PLCE1: variants seen among roughly 807,000 people sequenced by gnomAD.
PLCE1 encodes phospholipase C epsilon 1.
Under a neutral mutation model 242.8 loss-of-function variants are expected in PLCE1, and 119 were observed. That is an observed-to-expected ratio of 0.49 (90% confidence interval 0.42 to 0.57). The LOEUF is 0.57. PLCE1 is among the 20% of genes least tolerant of loss of function. The pLI, the probability that PLCE1 is intolerant of heterozygous loss-of-function variation, is 0.00. For missense variants in PLCE1, 2,441 were observed against 2,788.8 expected (o/e 0.88, Z 2.81); for synonymous variants, 945 against 1,017.4 (o/e 0.93, Z 1.35).
At chr10:94,099,988 CTG>C (rs1266070134) in intron 2 of PLCE1, 3 of 152,162 alleles carry the variant, frequency 2.0e-5, no homozygotes, top group South Asian at 2.1e-4. Context: ...ATTAAGAAGA[CTG>C]TGTGGGAAAT....
At chr10:94,141,598 AAGGCAAAG>A (rs1267123607) in intron 3 of PLCE1, among the ~76,000 whole-genome samples, 4 of 10,998 alleles carry the variant, frequency 3.6e-4, no homozygotes, top group African/African-American at 1.8e-3. Context: ...AGGCTAAGGG[AAGGCAAAG>A]GGAAGGAGAA....
At chr10:94,089,195 A>T in intron 2 of PLCE1, 1 of 1,614,054 alleles carries the variant, frequency 6.2e-7, no homozygotes, top group Middle Eastern at 1.6e-4. Context: ...ATTTGGCACC[A>T]GGCTTGGTTT....
chr10:94,066,448 A>G (rs2044198125), intron 2 of PLCE1, among the ~76,000 whole-genome samples: 1 of 152,122 alleles, frequency 6.6e-6, no homozygotes, highest in Non-Finnish European at 1.5e-5. Context: ...TCACAGTGTT[A>G]TGGGGCTTGG....
chr10:94,161,826 T>C (rs554031098), intron 3 of PLCE1, among the ~76,000 whole-genome samples: 2 of 152,044 alleles, frequency 1.3e-5, no homozygotes, highest in Non-Finnish European at 2.9e-5. Context: ...TTGAGATACG[T>C]CCCATCAATA....
At chr10:94,044,270 A>T (rs887323395) in intron 2 of PLCE1, among the ~76,000 whole-genome samples, 3 of 152,226 alleles carry the variant, frequency 2.0e-5, no homozygotes, top group African/African-American at 7.2e-5. Context: ...CTTTCCAAGG[A>T]ATCACCTTGA....
chr10:94,190,294 T>G (rs1343791367), intron 4 of PLCE1, among the ~76,000 whole-genome samples: 1 of 152,040 alleles, frequency 6.6e-6, no homozygotes, highest in East Asian at 1.9e-4. Flanking sequence ...TTAAATTAAT[T>G]AATTACGTTT....
At chr10:94,007,576 T>TTTA (rs1554837857) in intron 1 of PLCE1, among the ~76,000 whole-genome samples, 1 of 26,860 alleles carries the variant, frequency 3.7e-5, no homozygotes, top group Non-Finnish European at 6.0e-5. Context: ...TCTCTCTCTC[T>TTTA]TTTTTTTTTT....
Position 94,031,445 on chromosome 10 carries a change from C to G in PLCE1, c.399C>G (p.Asp133Glu). ...YEMYNSVAEEDLCLETGIPSP... is the reference protein window; with the variant it reads ...YEMYNSVAEEELCLETGIPSP... The stretch of plus-strand genomic sequence containing the variant: ...TGTACAACTCTGTTGCTGAGGAAGA[C>G]TTGTGTTTAGAAACTGGAATTCCTT... Residue 133 changes from aspartate (D) to glutamate (E), a missense_variant, in exon 2 of 33, where the codon GAC (aspartate) becomes GAG (glutamate). Physicochemically the swap from Asp to Glu is conservative, Grantham distance 45 (BLOSUM62 2). Coordinates refer to ENST00000371380, the MANE Select transcript of PLCE1 (RefSeq NM_016341.4). 1 of 1,613,626 alleles carries G rather than the reference C, an allele frequency of 6.2e-7. No homozygotes were observed. Among genetic ancestry groups the G allele is most frequent in the Non-Finnish European group, 8.5e-7 (1 of 1,179,766 alleles).
chr10:94,124,117 A>G (rs1247278120), intron 2 of PLCE1, among the ~76,000 whole-genome samples: 2 of 152,184 alleles, frequency 1.3e-5, no homozygotes, highest in African/African-American at 4.8e-5. Flanking sequence ...GGTATGATAT[A>G]GGGTAAAATC....
chr10:94,329,809 A>AGC lies in PLCE1; in HGVS notation c.*1866_*1867insGC, dbSNP rs2054137831. The stretch of plus-strand genomic sequence containing the variant: ...AAAAAAAAAAAAAAAAAAAAAAAAA[A>AGC]AACACCATACAGCTTTCATGTCATT... On this transcript the variant is annotated 3_prime_UTR_variant, in exon 33 of 33. Coordinates refer to ENST00000371380, the MANE Select transcript of PLCE1 (RefSeq NM_016341.4). 6.8e-6 allele frequency: 1 copy of AGC among 147,552 alleles called. No individual in the cohort carries two copies. Among genetic ancestry groups the AGC allele is most frequent in the African/African-American group, 2.5e-5 (1 of 39,616 alleles). The allele number at this position is 147,552 out of a possible 1,614,324, so 9.1% of individuals were successfully genotyped here.
chr10:94,094,887 A>G (rs1376587719), intron 2 of PLCE1: 1 of 152,198 alleles, frequency 6.6e-6, no homozygotes, highest in Non-Finnish European at 1.5e-5. Context: ...TAGAATTCTC[A>G]CTAAATTAAC....
intron 4 of PLCE1, among the ~76,000 whole-genome samples, chr10:94,190,604 T>A (rs2048628493): frequency 6.6e-6 from 1 of 152,082 alleles, no homozygotes; most frequent in Admixed American, 6.6e-5. Context: ...ACACCCTAAC[T>A]CAAAAAACAA....
intron 2 of PLCE1, among the ~76,000 whole-genome samples, chr10:94,065,742 C>T (rs1403266361): frequency 2.0e-5 from 3 of 152,124 alleles, no homozygotes; most frequent in Non-Finnish European, 4.4e-5. Context: ...CAACCCACAG[C>T]GTCAGGGAGG....
At chr10:94,284,564 A>T (rs2052368142) in intron 21 of PLCE1, among the ~76,000 whole-genome samples, 3 of 152,222 alleles carry the variant, frequency 2.0e-5, no homozygotes. Flanking sequence ...GCCACGGAAG[A>T]TACATAGTCA....
At chr10:94,011,117 C>T (rs2061158939) in intron 1 of PLCE1, among the ~76,000 whole-genome samples, 1 of 152,158 alleles carries the variant, frequency 6.6e-6, no homozygotes, top group African/African-American at 2.4e-5. Context: ...GTTTAGTTGG[C>T]TTACAGTTCT....
intron 4 of PLCE1, among the ~76,000 whole-genome samples, chr10:94,205,817 C>T (rs1437915495): frequency 2.0e-5 from 3 of 152,246 alleles, no homozygotes; most frequent in African/African-American, 4.8e-5. Context: ...AACTCTTCCT[C>T]CTGTCGTCAG....
chr10:94,313,478 C>A, intron 28 of PLCE1, 96 bp downstream of exon 28: 1 of 1,385,968 alleles, frequency 7.2e-7, no homozygotes, highest in East Asian at 2.3e-5. Flanking sequence ...TACACAGATG[C>A]ACATGAATGC....
chr10:94,069,241 A>T (rs1486258057), intron 2 of PLCE1, among the ~76,000 whole-genome samples: 1 of 152,198 alleles, frequency 6.6e-6, no homozygotes, highest in Non-Finnish European at 1.5e-5. Context: ...CCCAAATAAA[A>T]AATATGGCAA....
intron 4 of PLCE1, among the ~76,000 whole-genome samples, chr10:94,190,924 AC>A (rs1457961494): frequency 1.3e-5 from 2 of 152,170 alleles, no homozygotes; most frequent in African/African-American, 2.4e-5. Flanking sequence ...GTCTTCTAAG[AC>A]ATAAAGTGGG....
Sources: gnomAD v4.1 joint callset for allele counts (sites outside exome capture counted in the v4.1 genomes callset) on GRCh38, gnomAD v4.1.1 for gene constraint, MANE v1.5 for transcripts, NCBI Gene and HGNC (gene_info 2026-07-23, HGNC 2026-07-21) for gene names.